The following MARCHF6 variants were observed in gnomAD, a reference collection of about 807,000 sequenced individuals.
The protein encoded by MARCHF6 is E3 ubiquitin-protein ligase MARCHF6.
In MARCHF6, 31 loss-of-function variants were observed where a neutral mutation model predicts 133.7. The observed-to-expected ratio is 0.23, with a 90% CI of 0.17 to 0.31. The LOEUF (loss-of-function observed/expected upper bound fraction) is 0.31. Ranked by LOEUF, MARCHF6 falls within the 10% of genes least tolerant of loss-of-function variation. The pLI is 1.00. For missense variants in MARCHF6, 723 were observed against 1,121.6 expected (o/e 0.64, Z 5.08); for synonymous variants, 395 against 402.5 (o/e 0.98, Z 0.22).
intron 1 of MARCHF6, among the ~76,000 whole-genome samples, chr5:10,359,601 A>G (rs1313444706): frequency 1.3e-5 from 2 of 152,102 alleles, no homozygotes; most frequent in Non-Finnish European, 2.9e-5. Context: ...TCTCCAATAT[A>G]TTTATTGAAG....
intron 1 of MARCHF6, chr5:10,354,138 CGGGCAG>C (rs1425560775): frequency 1.2e-5 from 4 of 339,944 alleles, no homozygotes; most frequent in Non-Finnish European, 2.1e-5. Context: ...GGGACCCTGC[CGGGCAG>C]GGGCCGGGGC....
At chr5:10,369,870 G>GT (rs1243175141) in intron 1 of MARCHF6, among the ~76,000 whole-genome samples, 1 of 151,908 alleles carries the variant, frequency 6.6e-6, no homozygotes, top group Non-Finnish European at 1.5e-5. Context: ...ATGTACCAAA[G>GT]TTTATCTATT....
intron 14 of MARCHF6, among the ~76,000 whole-genome samples, chr5:10,403,078 T>C (rs1738644291): frequency 6.6e-6 from 1 of 152,212 alleles, no homozygotes; most frequent in South Asian, 2.1e-4. Flanking sequence ...GGTTCTGAGA[T>C]AACATTTACC....
Position 10,437,787 on chromosome 5 carries a change from TG to T in MARCHF6, c.*4104del, listed in dbSNP as rs1184726865. ...ATATTCTGAAATGCTCCCTTTTTAATGTGGTCATTTGTTGCCTTCTAAGTTG... is the reference window on the plus strand; with the variant it reads ...ATATTCTGAAATGCTCCCTTTTTAATTGGTCATTTGTTGCCTTCTAAGTTG... On this transcript the variant is annotated 3_prime_UTR_variant, in exon 26 of 26. Transcript: ENST00000274140. The T allele has an allele frequency of 1.3e-5, 2 of 152,214 alleles. No individual in the cohort carries two copies. The highest frequency in any genetic ancestry group is 4.8e-5 in the African/African-American group (2 of 41,458). The allele number at this position is 152,214 out of a possible 1,614,324, so 9.4% of individuals were successfully genotyped here.
intron 7 of MARCHF6, among the ~76,000 whole-genome samples, chr5:10,391,947 T>A (rs1272673710): frequency 6.6e-6 from 1 of 152,100 alleles, no homozygotes; most frequent in Non-Finnish European, 1.5e-5. Context: ...TTTAAAATCC[T>A]TTTTACACAG....
Position 10,438,109 on chromosome 5 carries a change from A to T in MARCHF6, c.*4425A>T, listed in dbSNP as rs547251892. ...AGAGTAAGGCCCCACATTTTGTGCA[A>T]TAGCAAGCTACTGCCCACTTCTGCA... is the stretch of plus-strand genomic sequence containing the variant. On this transcript the variant is annotated 3_prime_UTR_variant, in exon 26 of 26. Coordinates refer to ENST00000274140, the MANE Select transcript of MARCHF6 (RefSeq NM_005885.4). The T allele has an allele frequency of 6.6e-6, 1 of 152,366 alleles. No individual in the cohort carries two copies. Among genetic ancestry groups the T allele is most frequent in the South Asian group, 2.1e-4 (1 of 4,830 alleles). 9.4% of individuals were successfully genotyped at this position (152,366 alleles called of 1,614,324 possible). A position where few individuals can be genotyped will look rare whatever the true frequency, so the allele number is the denominator to read the frequency against.
At chr5:10,390,699 A>C (rs1368403877) in intron 6 of MARCHF6, among the ~76,000 whole-genome samples, 199 bp downstream of exon 6, 2 of 152,176 alleles carry the variant, frequency 1.3e-5, no homozygotes, top group African/African-American at 4.8e-5. Flanking sequence ...TTTGCCTCTT[A>C]ATTTTCTAGT....
At chr5:10,393,458 A>T (rs1737992650) in intron 7 of MARCHF6, among the ~76,000 whole-genome samples, 2 of 152,094 alleles carry the variant, frequency 1.3e-5, no homozygotes, top group South Asian at 4.1e-4. Flanking sequence ...AGAAAAAGCG[A>T]CTTGTGTAAT....
chr5:10,406,852 T>C (rs951448851), intron 16 of MARCHF6, among the ~76,000 whole-genome samples: 8 of 152,316 alleles, frequency 5.3e-5, no homozygotes, highest in South Asian at 2.1e-4. Context: ...AAGTGGTGAT[T>C]ATCCTTTGTG....
intron 1 of MARCHF6, among the ~76,000 whole-genome samples, chr5:10,375,848 A>G (rs1736745730): frequency 6.6e-6 from 1 of 151,558 alleles, no homozygotes; most frequent in South Asian, 2.1e-4. Context: ...ACCAATCAGC[A>G]CCCTGTGTTT....
chr5:10,414,602 G>GTAAGC, intron 20 of MARCHF6, 100 bp downstream of exon 20: 1 of 938,096 alleles, frequency 1.1e-6, no homozygotes, highest in Non-Finnish European at 1.7e-6. Context: ...GAGGGTAGTA[G>GTAAGC]TATGATCATA....
intron 8 of MARCHF6, 140 bp downstream of exon 8, chr5:10,394,283 A>T (rs998150402): frequency 2.9e-5 from 14 of 478,672 alleles, no homozygotes; most frequent in African/African-American, 2.8e-4. Flanking sequence ...AGTGAAAGTT[A>T]AGTGATATAT....
chr5:10,367,461 C>A (rs1485536581), intron 1 of MARCHF6, among the ~76,000 whole-genome samples: 2 of 152,058 alleles, frequency 1.3e-5, no homozygotes, highest in Admixed American at 6.6e-5. Context: ...AAAAATAATT[C>A]TTTGTATATT....
chr5:10,422,332 A>C (rs893885783), intron 22 of MARCHF6, among the ~76,000 whole-genome samples: 8 of 152,252 alleles, frequency 5.3e-5, no homozygotes, highest in Admixed American at 3.9e-4. Flanking sequence ...TTGATACAAA[A>C]ACAGGAGAAA....
chr5:10,378,638 G>T, intron 2 of MARCHF6, 121 bp from the exon 3 acceptor site: 2 of 625,306 alleles, frequency 3.2e-6, no homozygotes, highest in Non-Finnish European at 5.4e-6. Context: ...TTCTAAATTT[G>T]AAAATTTTGA....
chr5:10,377,664 T>A (rs1736872801), intron 1 of MARCHF6, 134 bp from the exon 2 acceptor site: 1 of 544,820 alleles, frequency 1.8e-6, no homozygotes, highest in Non-Finnish European at 3.3e-6. Flanking sequence ...CAACTTTCAG[T>A]TCTCCGTACT....
rs1413064196 is a variant in MARCHF6, at chr5:10,433,561, G to A, written c.2643-33G>A. The A allele has an allele frequency of 2.0e-6, 3 of 1,480,232 alleles. No homozygotes were observed. The Admixed American group carries it at 5.0e-5, about 25-fold the overall frequency. The allele number at this position is 1,480,232 out of a possible 1,614,324, so 91.7% of individuals were successfully genotyped here. A position where few individuals can be genotyped will look rare whatever the true frequency, so the allele number is the denominator to read the frequency against. On this transcript the variant is annotated intron_variant, in intron 25 of 25. Coordinates refer to ENST00000274140, the MANE Select transcript of MARCHF6 (RefSeq NM_005885.4). ...GAATGTTTTACTCTGTACATTCATA[G>A]AAGAGAGTAACCACCTTGTTTTTGC...
intron 1 of MARCHF6, among the ~76,000 whole-genome samples, chr5:10,363,075 A>G (rs181589891): frequency 9.7e-4 from 148 of 152,320 alleles, no homozygotes; most frequent in African/African-American, 3.4e-3. Context: ...GAAAAACCTA[A>G]AACTATGAAA....
intron 14 of MARCHF6, 115 bp from the exon 15 acceptor site, chr5:10,403,291 GT>G (rs1738658486): frequency 1.0e-6 from 1 of 962,146 alleles, no homozygotes; most frequent in Non-Finnish European, 1.5e-6. Context: ...GTGAACTGCA[GT>G]TCTAGGAATT....
Sources: allele counts gnomAD v4.1 joint callset (sites outside exome capture counted in the v4.1 genomes callset), GRCh38; gene constraint gnomAD v4.1.1; transcripts MANE v1.5; gene names NCBI Gene and HGNC (gene_info 2026-07-23, HGNC 2026-07-21).